Variants in SCRG1 observed in about 807,000 individuals in gnomAD.
SCRG1 encodes stimulator of chondrogenesis 1, also known as scrapie-responsive protein 1.
In SCRG1, 3 loss-of-function variants were observed where a neutral mutation model predicts 7.7. The ratio of observed to expected loss-of-function variants is 0.39; its 90% confidence interval spans 0.18 to 1.01. The LOEUF (loss-of-function observed/expected upper bound fraction) is 1.01. SCRG1 is among the 50% of genes least tolerant of loss of function. SCRG1 has a pLI of 0.36. For missense variants in SCRG1, 110 were observed against 117.2 expected (o/e 0.94, Z 0.28); for synonymous variants, 46 against 41.2 (o/e 1.12, Z -0.44).
chr4:173,446,886 G>A, the SCRG1 span, among the ~76,000 whole-genome samples: 1 of 152,056 alleles, frequency 6.6e-6, no homozygotes, highest in Non-Finnish European at 1.5e-5. Context: ...AATGACTGAC[G>A]GACTATGGTT....
At chr4:173,419,635 G>A in the SCRG1 span, 1 of 732,000 alleles carries the variant, frequency 1.4e-6, no homozygotes, top group Non-Finnish European at 2.5e-6. Flanking sequence ...ACAAACCAAG[G>A]AATCGTTTGC....
At chr4:173,426,699 G>T in the SCRG1 span, among the ~76,000 whole-genome samples, 8 of 152,158 alleles carry the variant, frequency 5.3e-5, no homozygotes, top group Non-Finnish European at 1.2e-4. Context: ...GAACTCCTGG[G>T]CTCAAGCAGT....
chr4:173,464,513 A>G, the SCRG1 span, among the ~76,000 whole-genome samples: 1 of 152,222 alleles, frequency 6.6e-6, no homozygotes, highest in African/African-American at 2.4e-5. Flanking sequence ...TATCATTTTC[A>G]AAATGTTAAA....
chr4:173,405,277 G>A (rs1739872408), intron 1 of SCRG1, among the ~76,000 whole-genome samples: 2 of 152,272 alleles, frequency 1.3e-5, no homozygotes. Flanking sequence ...CTTGGGTTAT[G>A]TGTTTGTAGA....
chr4:173,507,986 T>C, the SCRG1 span, among the ~76,000 whole-genome samples: 1 of 152,086 alleles, frequency 6.6e-6, no homozygotes, highest in Non-Finnish European at 1.5e-5. The surrounding 1 kb of genome is among the most constrained non-coding windows in gnomAD (Gnocchi z 4.4). Flanking sequence ...GGCCGAGGAC[T>C]GCAGAGGGAA....
the SCRG1 span, among the ~76,000 whole-genome samples, chr4:173,504,130 C>G: frequency 6.6e-6 from 1 of 152,210 alleles, no homozygotes; most frequent in Non-Finnish European, 1.5e-5. The surrounding 1 kb of genome is among the most constrained non-coding windows in gnomAD (Gnocchi z 4.7). Context: ...CAGTCCCCCG[C>G]TCTCAGCCTT....
At chr4:173,456,641 G>A in the SCRG1 span, among the ~76,000 whole-genome samples, 1 of 152,088 alleles carries the variant, frequency 6.6e-6, no homozygotes, top group African/African-American at 2.4e-5. Context: ...AATCACAGAG[G>A]TCACAGGTAG....
chr4:173,402,421 A>C (rs982405442), upstream of SCRG1, among the ~76,000 whole-genome samples: 3 of 150,912 alleles, frequency 2.0e-5, no homozygotes, highest in African/African-American at 7.3e-5. Context: ...ACTGAAATTA[A>C]ATTTGTAAAG....
chr4:173,452,572 G>A, the SCRG1 span, among the ~76,000 whole-genome samples: 2 of 152,154 alleles, frequency 1.3e-5, no homozygotes, highest in African/African-American at 2.4e-5. Flanking sequence ...GAGGCAATTA[G>A]GCATCCTTGT....
the SCRG1 span, among the ~76,000 whole-genome samples, chr4:173,485,440 T>C: frequency 4.0e-5 from 6 of 151,174 alleles, no homozygotes; most frequent in African/African-American, 1.2e-4. Flanking sequence ...TTCAGCCTCA[T>C]GTAAGCCATT....
At chr4:173,511,424 TTTTG>T in the SCRG1 span, among the ~76,000 whole-genome samples, 5 of 152,158 alleles carry the variant, frequency 3.3e-5, no homozygotes, top group South Asian at 2.1e-4. This position sits in a 1 kb window ranked among gnomAD's most constrained non-coding sequence, Gnocchi z 5.2. Context: ...CTATACCGTT[TTTTG>T]TTTGTTTGTT....
upstream of SCRG1, among the ~76,000 whole-genome samples, chr4:173,410,912 G>A (rs1456977562): frequency 6.6e-6 from 1 of 152,148 alleles, no homozygotes; most frequent in African/African-American, 2.4e-5. Flanking sequence ...GCCCTTTCCT[G>A]GCACCCACCC....
intron 1 of SCRG1, among the ~76,000 whole-genome samples, chr4:173,393,777 T>TA (rs1739515916): frequency 6.6e-6 from 1 of 151,136 alleles, no homozygotes; most frequent in South Asian, 2.1e-4. Flanking sequence ...AATATTTGTT[T>TA]TATATATATA....
chr4:173,436,646 T>A, the SCRG1 span, among the ~76,000 whole-genome samples: 1 of 152,186 alleles, frequency 6.6e-6, no homozygotes, highest in Non-Finnish European at 1.5e-5. Flanking sequence ...ATACTGCCCA[T>A]TAAAGTGCAT....
the SCRG1 span, among the ~76,000 whole-genome samples, chr4:173,440,818 A>G: frequency 1.3e-5 from 2 of 152,170 alleles, no homozygotes; most frequent in Non-Finnish European, 2.9e-5. Flanking sequence ...AGCTGCTGAG[A>G]ATCTCTGGCA....
the SCRG1 span, among the ~76,000 whole-genome samples, chr4:173,513,350 G>T: frequency 6.6e-6 from 1 of 151,896 alleles, no homozygotes; most frequent in Non-Finnish European, 1.5e-5. Flanking sequence ...AGATCCCTTT[G>T]TTTCTGAGTT....
At chr4:173,479,758 G>A in the SCRG1 span, among the ~76,000 whole-genome samples, 2 of 151,964 alleles carry the variant, frequency 1.3e-5, no homozygotes, top group Admixed American at 1.3e-4. Flanking sequence ...ATTTTTGAAA[G>A]AAAGCTAACT....
At chr4:173,411,933 T>C in the SCRG1 span, among the ~76,000 whole-genome samples, 13 of 152,172 alleles carry the variant, frequency 8.5e-5, no homozygotes, top group African/African-American at 1.7e-4. Flanking sequence ...GTGCCCACTG[T>C]GTTTAGAATG....
chr4:173,408,885 C>T (rs534401276), upstream of SCRG1, among the ~76,000 whole-genome samples: 1,023 of 151,264 alleles, frequency 6.8e-3, 9 homozygotes, highest in African/African-American at 0.023. Context: ...CCCAGCTACT[C>T]CGGAGGCTGA....
Sources: allele counts gnomAD v4.1 joint callset (sites outside exome capture counted in the v4.1 genomes callset), GRCh38; gene constraint gnomAD v4.1.1; non-coding constraint Gnocchi (gnomAD v3.1); transcripts MANE v1.5; gene names NCBI Gene and HGNC (gene_info 2026-07-23, HGNC 2026-07-21).